PABIR2: variants seen among roughly 807,000 people sequenced by gnomAD.
PABIR2 encodes the protein PABIR family member 2.
Under a neutral mutation model 22.8 loss-of-function variants are expected in PABIR2, and 7 were observed. That is an observed-to-expected ratio of 0.31 (90% CI 0.17 to 0.58). PABIR2 has a LOEUF of 0.58. PABIR2 is among the 20% of genes least tolerant of loss of function. PABIR2 has a pLI of 0.89. For synonymous variants in PABIR2, 67 were observed against 73.8 expected (o/e 0.91, Z 0.47); for missense variants, 155 against 205.1 (o/e 0.76, Z 1.49).
chrX:134,781,856 A>C lies in PABIR2; in HGVS notation c.624T>G (p.Ser208=), dbSNP rs776440947. 8.3e-7 allele frequency: 1 copy of C among 1,204,125 alleles called. No individual in the cohort carries two copies. Among genetic ancestry groups the C allele is most frequent in the Non-Finnish European group, 1.1e-6 (1 of 891,195 alleles). ...RLFQGTTNML[S]PDAAQLSDLS... ...GATCAGACAGTTGCGCGGCATCTGG[A>C]GATAACATATTGGTAGTGCCTTGGA... is the stretch of plus-strand genomic sequence containing the variant. Residue 208 remains serine, a synonymous_variant, in exon 9 of 10, where the codon TCT becomes TCG. Transcript: ENST00000343004.
chrX:134,792,218 G>C (rs1234925712), intron 2 of PABIR2, among the ~76,000 whole-genome samples: 1 of 111,884 alleles, frequency 8.9e-6, no homozygotes, highest in African/African-American at 3.2e-5. Flanking sequence ...GAAAGGAGAG[G>C]GGTAGGAATG....
At chrX:134,788,494 T>C (rs1197610754) in intron 6 of PABIR2, among the ~76,000 whole-genome samples, 1 of 106,472 alleles carries the variant, frequency 9.4e-6, no homozygotes, top group Non-Finnish European at 1.9e-5. Context: ...ATATGTAATA[T>C]ATACGTTATA....
At chrX:134,786,964 A>C (rs2079341326) in intron 7 of PABIR2, among the ~76,000 whole-genome samples, 1 of 111,625 alleles carries the variant, frequency 9.0e-6, no homozygotes, top group African/African-American at 3.3e-5. Flanking sequence ...ACAAAAAAAA[A>C]GAAAAGAAAA....
chrX:134,793,807 A>G lies in PABIR2; in HGVS notation c.177+8T>C. The G allele has an allele frequency of 8.3e-7, 1 of 1,205,845 alleles. No homozygotes were observed. The highest frequency in any genetic ancestry group is 1.1e-6 in the Non-Finnish European group (1 of 890,503). On this transcript the variant is annotated splice_region_variant and intron_variant, in intron 2 of 9. Coordinates refer to ENST00000343004, the MANE Select transcript of PABIR2 (RefSeq NM_001387468.1). Reference sequence around the variant, plus strand: ...TAAATCACTTCAGATACTTACTTCTATACTTACCAGGCTGTGACGGCTCAT... The same window carrying G: ...TAAATCACTTCAGATACTTACTTCTGTACTTACCAGGCTGTGACGGCTCAT...
At chrX:134,772,973 C>T (rs1321817213) in intron 9 of PABIR2, among the ~76,000 whole-genome samples, 1 of 111,492 alleles carries the variant, frequency 9.0e-6, no homozygotes, top group African/African-American at 3.3e-5. Flanking sequence ...TCTCAATACC[C>T]GTTGTCTATT....
At chrX:134,792,772 T>C (rs1263917783) in intron 2 of PABIR2, among the ~76,000 whole-genome samples, 4 of 112,142 alleles carry the variant, frequency 3.6e-5, no homozygotes, top group African/African-American at 1.3e-4. Context: ...TAGGGGCTGT[T>C]ATGACAATTA....
chrX:134,787,678 C>G (rs1396311010), intron 6 of PABIR2, 145 bp from the exon 7 acceptor site: 1 of 501,922 alleles, frequency 2.0e-6, no homozygotes, highest in African/African-American at 2.9e-5. Flanking sequence ...TGCAGTGATG[C>G]GATCATAGCT....
In PABIR2 at chrX:134,789,705, G is replaced by A. The variant is rs1023539544; in HGVS notation, c.178-69C>T. The A allele has an allele frequency of 1.2e-5, 11 of 928,170 alleles. No homozygotes were observed. In the African/African-American group the frequency reaches 1.6e-4, roughly 13 times the overall value. The allele number at this position is 928,170 out of a possible 1,213,427, so 76.5% of individuals were successfully genotyped here. On this transcript the variant is annotated intron_variant, in intron 2 of 9. Coordinates refer to ENST00000343004, the MANE Select transcript of PABIR2 (RefSeq NM_001387468.1). The stretch of plus-strand genomic sequence containing the variant: ...GCAGCAGTCTGCTGTCAGTACTGGC[G>A]TACAACCTCTTCCTAGGTAAGTTTT...
intron 9 of PABIR2, among the ~76,000 whole-genome samples, chrX:134,779,366 C>T (rs746090321): frequency 1.2e-4 from 13 of 111,392 alleles, no homozygotes; most frequent in Non-Finnish European, 2.3e-4. Context: ...GCGGAGGTTG[C>T]AGTGAGTCGA....
chrX:134,794,368 C>T (rs1400249313), intron 1 of PABIR2, among the ~76,000 whole-genome samples: 1 of 111,968 alleles, frequency 8.9e-6, no homozygotes, highest in African/African-American at 3.3e-5. Context: ...TACCTTTGAA[C>T]ACTGCTGTTT....
rs1190502656 is a variant in PABIR2, at chrX:134,771,337, TCTC to T, written c.*799_*801del. 5.2e-6 allele frequency: 6 copies of T among 1,151,486 alleles called. No individual in the cohort carries two copies. Among genetic ancestry groups the T allele is most frequent in the African/African-American group, 3.6e-5 (2 of 55,466 alleles). 94.9% of individuals were successfully genotyped at this position (1,151,486 alleles called of 1,213,427 possible). A position where few individuals can be genotyped will look rare whatever the true frequency, so the allele number is the denominator to read the frequency against. ...ACATCTGGTCAAGGCAGGAATTTCT[TCTC>T]CTTGATAACACCACCTAGAAATATC... On this transcript the variant is annotated 3_prime_UTR_variant, in exon 10 of 10. Transcript: ENST00000343004.
chrX:134,789,601 G>T lies in PABIR2; in HGVS notation c.213C>A (p.Ser71Arg), dbSNP rs1395885113. Residue 71 changes from serine (S) to arginine (R), a missense_variant, in exon 3 of 10, where the codon AGC (serine) becomes AGA (arginine). Ser to Arg is a moderately radical substitution (Grantham distance 110, BLOSUM62 -1). Transcript: ENST00000343004. The part of the protein sequence containing the change: ...LSSSPNRIPS[S>R]RLHQIKREEG... ...TTACCCTTTTGATCTGATGCAGTCT[G>T]CTACTAGGAATACGATTAGGTGAGG... The T allele has an allele frequency of 8.7e-7, 1 of 1,155,264 alleles. No homozygotes were observed. The highest frequency in any genetic ancestry group is 2.6e-5 in the Admixed American group (1 of 38,579).
chrX:134,776,621 A>G (rs896992797), intron 9 of PABIR2, among the ~76,000 whole-genome samples: 1 of 106,763 alleles, frequency 9.4e-6, no homozygotes, highest in African/African-American at 3.3e-5. Context: ...TTAGTAAAAG[A>G]AAAGAAAAGA....
chrX:134,777,915 A>T (rs2079035314), intron 9 of PABIR2, among the ~76,000 whole-genome samples: 1 of 84,932 alleles, frequency 1.2e-5, no homozygotes, highest in Non-Finnish European at 2.2e-5. Flanking sequence ...TTTGAGACAG[A>T]GTCTGGCTCT....
At chrX:134,775,267 A>G (rs923588123) in intron 9 of PABIR2, among the ~76,000 whole-genome samples, 4 of 111,381 alleles carry the variant, frequency 3.6e-5, no homozygotes, top group Admixed American at 2.9e-4. Flanking sequence ...GCGGTGGCTC[A>G]TGCTTGTAAT....
chrX:134,792,124 G>A (rs1234658167), intron 2 of PABIR2, among the ~76,000 whole-genome samples: 2 of 112,252 alleles, frequency 1.8e-5, no homozygotes, highest in Non-Finnish European at 3.8e-5. Context: ...AGTGTATATA[G>A]TGTAATTAAT....
chrX:134,787,932 G>A (rs1457303519), intron 6 of PABIR2, among the ~76,000 whole-genome samples: 1 of 107,496 alleles, frequency 9.3e-6, no homozygotes, highest in Non-Finnish European at 1.9e-5. Context: ...ACCATACCAG[G>A]CCCACAATCA....
chrX:134,780,940 A>G (rs1360030654), intron 9 of PABIR2, among the ~76,000 whole-genome samples: 1 of 113,015 alleles, frequency 8.8e-6, no homozygotes, highest in Non-Finnish European at 1.9e-5. Flanking sequence ...GAAATATTTC[A>G]TAATTTTCTA....
intron 8 of PABIR2, 127 bp downstream of exon 8, chrX:134,785,759 C>T (rs1417146433): frequency 4.5e-6 from 3 of 660,515 alleles, no homozygotes; most frequent in Non-Finnish European, 7.0e-6. Context: ...AAGTTTTTAA[C>T]ACATCTTTTG....
Sources: gnomAD v4.1 joint callset for allele counts (sites outside exome capture counted in the v4.1 genomes callset) on GRCh38, gnomAD v4.1.1 for gene constraint, MANE v1.5 for transcripts, NCBI Gene and HGNC (gene_info 2026-07-23, HGNC 2026-07-21) for gene names.